Variants in IL1RAPL1 observed in about 807,000 individuals in gnomAD.
IL1RAPL1 encodes interleukin-1 receptor accessory protein-like 1.
IL1RAPL1 carries 3 observed loss-of-function variants against 48.4 expected under a neutral mutation model. The ratio of observed to expected loss-of-function variants is 0.06; its 90% confidence interval spans 0.03 to 0.16. The LOEUF is 0.16. Among genes scored for constraint, IL1RAPL1 ranks in the 10% least tolerant of loss-of-function variants. The probability of loss-of-function intolerance (pLI) is 1.00; values close to 1 mark genes in which losing one functional copy is unlikely to be tolerated. For synonymous variants in IL1RAPL1, 185 were observed against 187.7 expected, an observed-to-expected ratio of 0.99 and a Z score of 0.12; for missense variants, 349 against 530.6, an observed-to-expected ratio of 0.66 and a Z score of 3.36.
intron 2 of IL1RAPL1, among the ~76,000 whole-genome samples, chrX:29,173,272 A>T (rs1339036847): frequency 8.9e-6 from 1 of 112,092 alleles, no homozygotes; most frequent in African/African-American, 3.2e-5. Flanking sequence ...ATAAAAAAAT[A>T]AACACTTAAA....
intron 5 of IL1RAPL1, among the ~76,000 whole-genome samples, chrX:29,417,104 A>G (rs1027260394): frequency 2.3e-4 from 26 of 111,857 alleles, no homozygotes; most frequent in Non-Finnish European, 4.1e-4. Flanking sequence ...TACACTATGA[A>G]AAGGTCCACT....
chrX:28,809,163 T>G (rs1936762731), intron 2 of IL1RAPL1, among the ~76,000 whole-genome samples: 1 of 110,038 alleles, frequency 9.1e-6, no homozygotes, highest in East Asian at 2.9e-4. Context: ...TTTCAAAAAG[T>G]AGATCTAGTA....
intron 6 of IL1RAPL1, among the ~76,000 whole-genome samples, chrX:29,796,502 C>T (rs1305753682): frequency 9.0e-6 from 1 of 111,585 alleles, no homozygotes; most frequent in Non-Finnish European, 1.9e-5. Context: ...GAGTCATTCT[C>T]TATTTCTCTC....
chrX:29,261,892 TATA>T (rs1331680060), intron 2 of IL1RAPL1, among the ~76,000 whole-genome samples: 19 of 111,791 alleles, frequency 1.7e-4, no homozygotes, highest in Non-Finnish European at 3.8e-5. Flanking sequence ...TTTTGCAATG[TATA>T]ATATTATTTA....
chrX:29,410,596 A>C (rs1934131926), intron 5 of IL1RAPL1, among the ~76,000 whole-genome samples: 1 of 111,996 alleles, frequency 8.9e-6, no homozygotes. Context: ...ATGAACATCC[A>C]TTTCTGGAAA....
At chrX:28,636,375 C>G (rs764355733) in intron 1 of IL1RAPL1, among the ~76,000 whole-genome samples, 1 of 112,023 alleles carries the variant, frequency 8.9e-6, no homozygotes, top group African/African-American at 3.2e-5. Context: ...AATCAACATA[C>G]ATTCAATTTG....
At chrX:29,271,212 G>A (rs908053298) in intron 2 of IL1RAPL1, among the ~76,000 whole-genome samples, 10 of 112,003 alleles carry the variant, frequency 8.9e-5, no homozygotes. Flanking sequence ...CTTTACGGCT[G>A]TGTAGTATTC....
chrX:29,616,053 A>G (rs1012501394), intron 5 of IL1RAPL1, among the ~76,000 whole-genome samples: 1 of 111,979 alleles, frequency 8.9e-6, no homozygotes, highest in Non-Finnish European at 1.9e-5. Context: ...ATCATATTCT[A>G]GAAATCACAC....
At chrX:29,461,632 T>C (rs777801015) in intron 5 of IL1RAPL1, among the ~76,000 whole-genome samples, 73 of 111,566 alleles carry the variant, frequency 6.5e-4, no homozygotes, top group South Asian at 2.2e-3. Flanking sequence ...AACTAGTGAA[T>C]AGATAAACAA....
intron 1 of IL1RAPL1, among the ~76,000 whole-genome samples, chrX:28,668,446 G>C (rs1220465731): frequency 8.9e-6 from 1 of 112,150 alleles, no homozygotes; most frequent in African/African-American, 3.2e-5. Flanking sequence ...CTTTAGTAGA[G>C]ACAGGGTTAC....
chrX:28,935,719 T>A lies in IL1RAPL1; in HGVS notation c.82+146294T>A, dbSNP rs1333464419. 4.5e-5 allele frequency among the ~76,000 whole-genome samples: 5 copies of A among 111,356 alleles called. No homozygotes were observed. In the Admixed American group the frequency reaches 4.8e-4, roughly 11 times the overall value. The stretch of plus-strand genomic sequence containing the variant: ...GGACACTGGTTTATCTTCTGGAGGG[T>A]CAAGGAGAATAATTTATGAATTAAC... On this transcript the variant is annotated intron_variant, in intron 2 of 10. Coordinates refer to ENST00000378993, the MANE Select transcript of IL1RAPL1 (RefSeq NM_014271.4).
intron 5 of IL1RAPL1, among the ~76,000 whole-genome samples, chrX:29,534,872 G>A (rs1921168068): frequency 1.8e-5 from 2 of 109,346 alleles, no homozygotes; most frequent in African/African-American, 6.7e-5. Flanking sequence ...GGGAGGCTGA[G>A]GCAGGAGAAT....
intron 2 of IL1RAPL1, among the ~76,000 whole-genome samples, chrX:28,802,280 A>G (rs1936685145): frequency 8.9e-6 from 1 of 112,548 alleles, no homozygotes; most frequent in Admixed American, 9.4e-5. Context: ...ATACCAAACC[A>G]TGTTTTAGTC....
chrX:29,944,671 CTTTTA>C (rs1933185395), intron 9 of IL1RAPL1, among the ~76,000 whole-genome samples: 1 of 111,639 alleles, frequency 9.0e-6, no homozygotes, highest in African/African-American at 3.3e-5. Flanking sequence ...CCCTTCTTCT[CTTTTA>C]CTCTTGTTTA....
At chrX:29,803,056 T>C (rs1345511076) in intron 6 of IL1RAPL1, among the ~76,000 whole-genome samples, 11 of 56,619 alleles carry the variant, frequency 1.9e-4, no homozygotes, top group African/African-American at 7.2e-4. Context: ...TATGTGTACA[T>C]ATATATGTAT....
At chrX:29,425,330 G>A (rs1934337622) in intron 5 of IL1RAPL1, among the ~76,000 whole-genome samples, 1 of 111,779 alleles carries the variant, frequency 8.9e-6, no homozygotes, top group Non-Finnish European at 1.9e-5. Flanking sequence ...GCAGAGTGGC[G>A]ATAACAGGAA....
Position 28,932,046 on chromosome X carries a change from A to G in IL1RAPL1, c.82+142621A>G, listed in dbSNP as rs981509695. 1.1e-4 allele frequency among the ~76,000 whole-genome samples: 12 copies of G among 109,815 alleles called. No individual in the cohort carries two copies. In the Admixed American group the frequency reaches 1.2e-3, roughly 11 times the overall value. ...GACAGAGCGAGACTCCATCTCAAAA[A>G]AAAAATAAAAAATAAATAAATAAAT... On this transcript the variant is annotated intron_variant, in intron 2 of 10. Transcript: ENST00000378993.
intron 5 of IL1RAPL1, among the ~76,000 whole-genome samples, chrX:29,592,290 T>G (rs769197444): frequency 1.8e-5 from 2 of 111,832 alleles, no homozygotes; most frequent in Non-Finnish European, 1.9e-5. Flanking sequence ...GATTGATAAT[T>G]GTGTTTGCAA....
chrX:29,330,102 T>C (rs1426652610), intron 3 of IL1RAPL1, among the ~76,000 whole-genome samples: 4 of 111,152 alleles, frequency 3.6e-5, no homozygotes, highest in African/African-American at 1.3e-4. Flanking sequence ...GTAGTGGTGG[T>C]TGGACAACCC....
Sources: allele counts gnomAD v4.1 joint callset (sites outside exome capture counted in the v4.1 genomes callset), GRCh38; gene constraint gnomAD v4.1.1; transcripts MANE v1.5; gene names NCBI Gene and HGNC (gene_info 2026-07-23, HGNC 2026-07-21).